Variants in RNF115 observed in about 807,000 individuals in gnomAD.
RNF115 encodes ring finger protein 115.
Under a neutral mutation model 39.2 loss-of-function variants are expected in RNF115, and 31 were observed. That is an observed-to-expected ratio of 0.79 (90% confidence interval 0.59 to 1.07). The LOEUF is 1.07. Ranked by LOEUF, RNF115 falls within the 50% of genes least tolerant of loss-of-function variation. The pLI is 0.00. For synonymous variants in RNF115, 124 were observed against 131.0 expected, an observed-to-expected ratio of 0.95 and a Z score of 0.37; for missense variants, 384 against 381.7, an observed-to-expected ratio of 1.01 and a Z score of -0.05.
chr1:145,792,269 T>C (rs1553719100), intron 1 of RNF115, among the ~76,000 whole-genome samples: 1 of 152,158 alleles, frequency 6.6e-6, no homozygotes, highest in African/African-American at 2.4e-5. Flanking sequence ...TTGTTTTACC[T>C]GAAGATGATG....
At chr1:145,773,763 A>G (rs1571737057) in intron 3 of RNF115, 1 of 149,274 alleles carries the variant, frequency 6.7e-6, no homozygotes, top group East Asian at 1.9e-4. Flanking sequence ...TTTTCCTCTC[A>G]GGCTTTCAAT....
In RNF115 at chr1:145,748,080, T is replaced by C. The variant is rs1553712009; in HGVS notation, c.698A>G (p.Glu233Gly). 1 of 1,613,452 alleles carries C rather than the reference T, an allele frequency of 6.2e-7. No homozygotes were observed. Among genetic ancestry groups the C allele is most frequent in the Non-Finnish European group, 8.5e-7 (1 of 1,179,528 alleles). ...DMGLECPVCKEDYTVEEEVRQ... is the reference protein window; with the variant it reads ...DMGLECPVCKGDYTVEEEVRQ... ...GACTTCCTCTTCAACTGTGTAATCT[T>C]CTTTGCATACTGGACACTCTAAACC... Residue 233 changes from glutamate to glycine, a missense_variant, in exon 8 of 9, where the codon GAA becomes GGA. Physicochemically the swap from Glu to Gly is moderately conservative, Grantham distance 98. Transcript: ENST00000582693.
rs375399980 is a variant in RNF115, at chr1:145,822,673, T to C, written c.102+1099A>G. Among the ~76,000 whole-genome samples the C allele has an allele frequency of 1.4e-3, 215 of 150,672 alleles. 5 individuals are homozygous for C. In the East Asian group the frequency reaches 0.032, roughly 23 times the overall value. The stretch of plus-strand genomic sequence containing the variant: ...GGCCAAGGACAGGATTGACATTCAC[T>C]CTGGGGGAGCTCCTCGTAGTAGCTA... On this transcript the variant is annotated intron_variant, in intron 1 of 8. Transcript: ENST00000582693.
At chr1:145,767,305 T>C (rs2101519359) in intron 4 of RNF115, among the ~76,000 whole-genome samples, 1 of 139,882 alleles carries the variant, frequency 7.1e-6, no homozygotes, top group African/African-American at 2.7e-5. Flanking sequence ...ACAGGGCAGT[T>C]GCCAGGCAGA....
intron 7 of RNF115, among the ~76,000 whole-genome samples, chr1:145,749,854 C>T (rs1658012574): frequency 6.6e-6 from 1 of 152,192 alleles, no homozygotes; most frequent in African/African-American, 2.4e-5. Flanking sequence ...AAATCTCTAA[C>T]TCTAAACCCG....
chr1:145,748,168 T>C, intron 7 of RNF115, 58 bp from the exon 8 acceptor site: 1 of 1,180,670 alleles, frequency 8.5e-7, no homozygotes, highest in Admixed American at 1.7e-5. Flanking sequence ...AAGAAAAAAC[T>C]AACCCAATGT....
chr1:145,808,071 A>G (rs1240910341), intron 1 of RNF115, among the ~76,000 whole-genome samples: 6 of 146,586 alleles, frequency 4.1e-5, no homozygotes, highest in Admixed American at 6.9e-5. Flanking sequence ...ATATATATAT[A>G]CCACATTTTC....
At chr1:145,804,009 G>C (rs1553721249) in intron 1 of RNF115, among the ~76,000 whole-genome samples, 2 of 152,184 alleles carry the variant, frequency 1.3e-5, no homozygotes, top group Non-Finnish European at 2.9e-5. Context: ...CAACCCAGTG[G>C]CATAAATATA....
chr1:145,807,149 ATGT>A (rs1441850123), intron 1 of RNF115, among the ~76,000 whole-genome samples: 1 of 152,232 alleles, frequency 6.6e-6, no homozygotes, highest in Non-Finnish European at 1.5e-5. Flanking sequence ...TGTTATTTTA[ATGT>A]TATTATCAAA....
intron 1 of RNF115, 145 bp from the exon 2 acceptor site, chr1:145,789,111 T>C (rs1321531761): frequency 1.7e-5 from 10 of 587,360 alleles, no homozygotes; most frequent in East Asian, 2.9e-5. Context: ...TGTTTTTTTT[T>C]TTCTTTTGTG....
In RNF115 at chr1:145,790,583, C is replaced by T. The variant is rs1042489502; in HGVS notation, c.103-1617G>A. On this transcript the variant is annotated intron_variant, in intron 1 of 8. Coordinates refer to ENST00000582693, the MANE Select transcript of RNF115 (RefSeq NM_014455.4). The stretch of plus-strand genomic sequence containing the variant: ...AAGTAGCTGGGATTATAGGCACCTG[C>T]CACCATGCCCAGCTAATTTTGTATT... Among the ~76,000 whole-genome samples, 14 of 150,042 alleles carry T rather than the reference C, an allele frequency of 9.3e-5. 1 individual carries two copies. Among genetic ancestry groups the T allele is most frequent in the African/African-American group, 3.4e-4 (14 of 40,738 alleles).
At chr1:145,763,538 A>G (rs782164872) in intron 4 of RNF115, among the ~76,000 whole-genome samples, 22 of 152,126 alleles carry the variant, frequency 1.4e-4, no homozygotes, top group Non-Finnish European at 2.8e-4. Flanking sequence ...TCTCTACTAA[A>G]AATACAAAAA....
Position 145,824,087 on chromosome 1 carries a change from A to C in RNF115, c.-214T>G. 1 of 446,044 alleles carries C rather than the reference A, an allele frequency of 2.2e-6. No individual in the cohort carries two copies. The highest frequency in any genetic ancestry group is 3.5e-5 in the South Asian group (1 of 28,534). 27.6% of individuals were successfully genotyped at this position (446,044 alleles called of 1,614,324 possible). On this transcript the variant is annotated 5_prime_UTR_variant, in exon 1 of 9. Coordinates refer to ENST00000582693, the MANE Select transcript of RNF115 (RefSeq NM_014455.4). ...CTCCCAGCACCAAAGAGGCGCAGGA[A>C]GGAGAGACAAACGGCCCGCCCGCCG...
chr1:145,789,443 G>T (rs75554378), intron 1 of RNF115, among the ~76,000 whole-genome samples: 7 of 150,568 alleles, frequency 4.6e-5, no homozygotes, highest in African/African-American at 7.3e-5. Context: ...TTGTTGCCCA[G>T]GCTGGAGTGC....
chr1:145,750,522 AAGACGAAGTGGC>A (rs782002356), intron 6 of RNF115, 22 bp from the exon 7 acceptor site: 2 of 1,589,406 alleles, frequency 1.3e-6, no homozygotes, highest in Non-Finnish European at 1.7e-6. Flanking sequence ...GAGAAAGAAA[AAGACGAAGTGGC>A]AGACATCGCA....
At chr1:145,790,368 G>A (rs868954058) in intron 1 of RNF115, among the ~76,000 whole-genome samples, 4 of 151,686 alleles carry the variant, frequency 2.6e-5, no homozygotes, top group Non-Finnish European at 5.9e-5. Flanking sequence ...TTGAACTCCC[G>A]ACCTCAGGTG....
In RNF115 at chr1:145,787,878, ACT is replaced by A. The variant is rs1648463682; in HGVS notation, c.161+1028_161+1029del. Among the ~76,000 whole-genome samples the A allele has an allele frequency of 2.6e-5, 4 of 151,826 alleles. No individual in the cohort carries two copies. The Middle Eastern group carries it at 0.01, about 390-fold the overall frequency. On this transcript the variant is annotated intron_variant, in intron 2 of 8. Coordinates refer to ENST00000582693, the MANE Select transcript of RNF115 (RefSeq NM_014455.4). ...CACTCCAATCTGGCAACAGAGCAAG[ACT>A]CTGTCTCAAAAAAAAAAGAAAAAAG... is the stretch of plus-strand genomic sequence containing the variant.
At chr1:145,748,658 G>T (rs1657965452) in intron 7 of RNF115, among the ~76,000 whole-genome samples, 1 of 152,010 alleles carries the variant, frequency 6.6e-6, no homozygotes, top group Admixed American at 6.6e-5. Context: ...GGTGAAGGCG[G>T]GTGGATCACG....
intron 2 of RNF115, among the ~76,000 whole-genome samples, chr1:145,786,197 G>T (rs1024545444): frequency 2.0e-5 from 3 of 152,162 alleles, no homozygotes; most frequent in Non-Finnish European, 4.4e-5. Context: ...ATTGTTCTGA[G>T]AAATGTTACA....
Sources: allele counts gnomAD v4.1 joint callset (sites outside exome capture counted in the v4.1 genomes callset), GRCh38; gene constraint gnomAD v4.1.1; transcripts MANE v1.5; gene names NCBI Gene and HGNC (gene_info 2026-07-23, HGNC 2026-07-21).